The following LTBP1 variants were observed in gnomAD, a reference collection of about 807,000 sequenced individuals.
LTBP1 encodes latent transforming growth factor beta binding protein 1, also known as latent-transforming growth factor beta-binding protein 1.
Under a neutral mutation model 207.6 loss-of-function variants are expected in LTBP1, and 129 were observed. The ratio of observed to expected loss-of-function variants is 0.62; its 90% CI spans 0.54 to 0.72. LTBP1 has a LOEUF of 0.72. LTBP1 is among the 30% of genes least tolerant of loss of function. LTBP1 has a pLI of 0.00. For synonymous variants in LTBP1, 963 were observed against 833.7 expected, an observed-to-expected ratio of 1.16 and a Z score of -2.67; for missense variants, 2,281 against 2,217.2, an observed-to-expected ratio of 1.03 and a Z score of -0.58.
At chr2:33,244,220 C>G (rs893561903) in intron 10 of LTBP1, among the ~76,000 whole-genome samples, 2 of 147,160 alleles carry the variant, frequency 1.4e-5, no homozygotes, top group African/African-American at 4.9e-5. Flanking sequence ...AGTCACTGGA[C>G]TCTGATTTAA....
chr2:33,209,020 A>T (rs1193203716), intron 7 of LTBP1, among the ~76,000 whole-genome samples: 1 of 151,744 alleles, frequency 6.6e-6, no homozygotes, highest in Admixed American at 6.6e-5. Context: ...GGCGCCCGCC[A>T]CCAAGCTTGG....
intron 10 of LTBP1, among the ~76,000 whole-genome samples, chr2:33,249,829 G>A (rs2092631438): frequency 6.6e-6 from 1 of 152,110 alleles, no homozygotes; most frequent in Non-Finnish European, 1.5e-5. Flanking sequence ...GAGCCTACAG[G>A]CACCCTTTAT....
chr2:33,111,937 C>T (rs942899074), intron 4 of LTBP1, among the ~76,000 whole-genome samples: 4 of 152,020 alleles, frequency 2.6e-5, no homozygotes, highest in Non-Finnish European at 5.9e-5. Context: ...CTTAAAAATC[C>T]TTTGATATTC....
rs1266167077 is a variant in LTBP1, at chr2:33,393,227, T to C, written c.4835-3906T>C. On this transcript the variant is annotated intron_variant, in intron 32 of 33. Coordinates refer to ENST00000404816, the MANE Select transcript of LTBP1 (RefSeq NM_206943.4). ...CCTCCACTAGTGTCTGTTGTTTCCT[T>C]CTTCTTCTTTTTTTTTTTTTTTTTT... 5.4e-5 allele frequency among the ~76,000 whole-genome samples: 7 copies of C among 128,614 alleles called. No homozygotes were observed. The East Asian group carries it at 6.1e-4, about 11-fold the overall frequency. 84.4% of individuals were successfully genotyped at this position (128,614 alleles called of 152,430 possible). A position where few individuals can be genotyped will look rare whatever the true frequency, so the allele number is the denominator to read the frequency against.
At chr2:32,974,320 GT>G (rs1223339956) in intron 2 of LTBP1, among the ~76,000 whole-genome samples, 2 of 152,134 alleles carry the variant, frequency 1.3e-5, no homozygotes, top group Admixed American at 1.3e-4. Context: ...TCTCATTGTA[GT>G]TTTGATTAGC....
intron 9 of LTBP1, among the ~76,000 whole-genome samples, chr2:33,229,792 G>A (rs2091684276): frequency 6.6e-6 from 1 of 152,072 alleles, no homozygotes; most frequent in South Asian, 2.1e-4. Context: ...TGGTCTACTG[G>A]TAACACCAAA....
intron 5 of LTBP1, among the ~76,000 whole-genome samples, chr2:33,163,561 AATGT>A (rs1200538509): frequency 3.9e-5 from 6 of 152,202 alleles, no homozygotes; most frequent in African/African-American, 1.4e-4. Flanking sequence ...GAATAAATTG[AATGT>A]ATGATAGCAG....
chr2:33,398,604 A>C lies in LTBP1; in HGVS notation c.*59A>C. 2 of 1,485,198 alleles carry C rather than the reference A, an allele frequency of 1.3e-6. No individual in the cohort carries two copies. Among genetic ancestry groups the C allele is most frequent in the Non-Finnish European group, 1.8e-6 (2 of 1,099,890 alleles). The allele number at this position is 1,485,198 out of a possible 1,614,324, so 92.0% of individuals were successfully genotyped here. A position where few individuals can be genotyped will look rare whatever the true frequency, so the allele number is the denominator to read the frequency against. On this transcript the variant is annotated 3_prime_UTR_variant, in exon 34 of 34. Transcript: ENST00000404816. ...TGCACTGTGTAAAGGAAAAGGGAGA[A>C]ATGTATTATACTTGAGACATTGCAC...
At chr2:32,959,259 T>C (rs1445323320) in intron 2 of LTBP1, among the ~76,000 whole-genome samples, 2 of 152,082 alleles carry the variant, frequency 1.3e-5, no homozygotes, top group African/African-American at 4.8e-5. Flanking sequence ...TGGCCAACTT[T>C]ACTGAACTGA....
At chr2:33,174,062 A>G (rs1268067033) in intron 5 of LTBP1, among the ~76,000 whole-genome samples, 3 of 142,680 alleles carry the variant, frequency 2.1e-5, no homozygotes, top group African/African-American at 7.5e-5. Context: ...CTGAATGGGC[A>G]AAAACTGGAA....
At chr2:33,213,275 T>A (rs1382088480) in intron 7 of LTBP1, among the ~76,000 whole-genome samples, 1 of 152,198 alleles carries the variant, frequency 6.6e-6, no homozygotes, top group Non-Finnish European at 1.5e-5. Context: ...TTTAGCACAT[T>A]TCTCCAGGAT....
chr2:33,186,000 C>A (rs1009499718), intron 5 of LTBP1, among the ~76,000 whole-genome samples: 8 of 152,112 alleles, frequency 5.3e-5, no homozygotes, highest in Non-Finnish European at 1.0e-4. Flanking sequence ...GCTAAAATAG[C>A]CAGAGTTATA....
At chr2:33,167,557 TG>T (rs1558740357) in intron 5 of LTBP1, among the ~76,000 whole-genome samples, 1 of 152,258 alleles carries the variant, frequency 6.6e-6, no homozygotes, top group East Asian at 1.9e-4. Context: ...AAGCATTTGT[TG>T]CTTTAAGAGC....
chr2:32,980,065 G>T (rs769699245), intron 2 of LTBP1, among the ~76,000 whole-genome samples: 7 of 151,934 alleles, frequency 4.6e-5, no homozygotes, highest in Non-Finnish European at 7.4e-5. Context: ...TGTCTTTGTA[G>T]ATGAAGTGTG....
At chr2:33,172,794 A>G (rs1318445027) in intron 5 of LTBP1, among the ~76,000 whole-genome samples, 3 of 152,206 alleles carry the variant, frequency 2.0e-5, no homozygotes, top group Non-Finnish European at 2.9e-5. Context: ...CAGAAATGAT[A>G]ACAAACTGTC....
chr2:33,084,370 G>C (rs2078624345), intron 3 of LTBP1, among the ~76,000 whole-genome samples: 1 of 152,190 alleles, frequency 6.6e-6, no homozygotes, highest in South Asian at 2.1e-4. Flanking sequence ...CCATGAAGCA[G>C]ACAGGGTTCT....
intron 2 of LTBP1, among the ~76,000 whole-genome samples, chr2:32,984,008 A>G (rs1249246197): frequency 2.0e-5 from 3 of 152,218 alleles, no homozygotes; most frequent in African/African-American, 7.2e-5. Flanking sequence ...ACTTGTTTTA[A>G]GGCATTTTTT....
rs10693285 is a variant in LTBP1, at chr2:33,060,651, CTGTG to C, written c.863+39471_863+39474del. Reference sequence around the variant, plus strand: ...GTTGTACTGAATTTTAAATTCAGATCTGTGTGTGTGTGTGTGTGTGTGTGTGTGT... The same window carrying C: ...GTTGTACTGAATTTTAAATTCAGATCTGTGTGTGTGTGTGTGTGTGTGTGT... On this transcript the variant is annotated intron_variant, in intron 3 of 33. Transcript: ENST00000404816. Among the ~76,000 whole-genome samples the C allele has an allele frequency of 3.4e-3, 498 of 146,730 alleles. 1 individual carries two copies. The highest frequency in any genetic ancestry group is 0.012 in the African/African-American group (460 of 39,600).
At chr2:33,392,389 G>A (rs556692678) in intron 32 of LTBP1, among the ~76,000 whole-genome samples, 7 of 152,070 alleles carry the variant, frequency 4.6e-5, no homozygotes, top group Non-Finnish European at 7.4e-5. Flanking sequence ...GTTTCACCAC[G>A]TTGGCCAGGG....
Sources: gnomAD v4.1 joint callset for allele counts (sites outside exome capture counted in the v4.1 genomes callset) on GRCh38, gnomAD v4.1.1 for gene constraint, MANE v1.5 for transcripts, NCBI Gene and HGNC (gene_info 2026-07-23, HGNC 2026-07-21) for gene names.